The following PRDM16 variants were observed in gnomAD, a reference collection of about 807,000 sequenced individuals.
The protein encoded by PRDM16 is histone-lysine N-methyltransferase PRDM16.
PRDM16 carries 23 observed loss-of-function variants against 110.6 expected under a neutral mutation model. That is an observed-to-expected ratio of 0.21 (90% confidence interval 0.15 to 0.29). PRDM16 has a LOEUF of 0.29. Ranked by LOEUF, PRDM16 falls within the 10% of genes least tolerant of loss-of-function variation. PRDM16 has a pLI of 1.00. For synonymous variants in PRDM16, 799 were observed against 781.8 expected, an observed-to-expected ratio of 1.02 and a Z score of -0.37; for missense variants, 1,615 against 1,794.3, an observed-to-expected ratio of 0.90 and a Z score of 1.81.
chr1:3,325,977 CCAT>C (rs1641887021), intron 3 of PRDM16, among the ~76,000 whole-genome samples: 1 of 149,536 alleles, frequency 6.7e-6, no homozygotes, highest in African/African-American at 2.5e-5. Flanking sequence ...TCCTCCTTGG[CCAT>C]CCTCGACCAT....
At chr1:3,198,006 G>C (rs1638523410) in intron 2 of PRDM16, among the ~76,000 whole-genome samples, 1 of 152,202 alleles carries the variant, frequency 6.6e-6, no homozygotes, top group South Asian at 2.1e-4. Flanking sequence ...TGTGCTCTCA[G>C]GGTGCTACGG....
Position 3,430,512 on chromosome 1 carries a change from A to C in PRDM16, c.3285-360A>C, listed in dbSNP as rs903853109. On this transcript the variant is annotated intron_variant, in intron 14 of 16. Coordinates refer to ENST00000270722, the MANE Select transcript of PRDM16 (RefSeq NM_022114.4). ...TCTGCCCTGAGGGTGCCCCTCGTGCACTGCCCAACCCCCGTGCCAGTGCAG... is the reference window on the plus strand; with the variant it reads ...TCTGCCCTGAGGGTGCCCCTCGTGCCCTGCCCAACCCCCGTGCCAGTGCAG... Among the ~76,000 whole-genome samples, 3 of 152,286 alleles carry C rather than the reference A, an allele frequency of 2.0e-5. No homozygotes were observed. In the East Asian group the frequency reaches 5.8e-4, roughly 30 times the overall value.
Position 3,436,016 on chromosome 1 carries a change from G to A in PRDM16, c.*2205G>A, listed in dbSNP as rs556539919. The A allele has an allele frequency of 5.3e-4, 121 of 230,002 alleles. No homozygotes were observed. The East Asian group carries it at 7.1e-3, about 13-fold the overall frequency. The allele number at this position is 230,002 out of a possible 1,614,324, so 14.2% of individuals were successfully genotyped here. Reference sequence around the variant, plus strand: ...GGATCCAGGATCTGCAAACACAACTGCTCAGGCCTTCTCACGCGTTTCCAC... The same window carrying A: ...GGATCCAGGATCTGCAAACACAACTACTCAGGCCTTCTCACGCGTTTCCAC... On this transcript the variant is annotated 3_prime_UTR_variant, in exon 17 of 17. Transcript: ENST00000270722.
intron 2 of PRDM16, among the ~76,000 whole-genome samples, chr1:3,214,524 CTG>C (rs1462000004): frequency 6.6e-5 from 10 of 152,206 alleles, no homozygotes; most frequent in African/African-American, 2.4e-4. Flanking sequence ...TGGCAAAACC[CTG>C]TCTCTACTAA....
rs1642888663 is a variant in PRDM16, at chr1:3,370,619, T to C, written c.439-14533T>C. Among the ~76,000 whole-genome samples, 2 of 151,768 alleles carry C rather than the reference T, an allele frequency of 1.3e-5. No homozygotes were observed. The highest frequency in any genetic ancestry group is 1.3e-4 in the Admixed American group (2 of 15,256). Reference sequence around the variant, plus strand: ...CTAAGAAGGGCAGGGACTGTGAGAGTGTCTGAGAGGAGCCTCACCCTGATG... The same window carrying C: ...CTAAGAAGGGCAGGGACTGTGAGAGCGTCTGAGAGGAGCCTCACCCTGATG... On this transcript the variant is annotated intron_variant, in intron 3 of 16. Coordinates refer to ENST00000270722, the MANE Select transcript of PRDM16 (RefSeq NM_022114.4). The surrounding 1 kb of genome is among the most constrained non-coding windows in gnomAD (Gnocchi z 4.8).
intron 2 of PRDM16, among the ~76,000 whole-genome samples, chr1:3,186,755 C>T (rs546861925): frequency 9.2e-5 from 14 of 152,328 alleles, no homozygotes; most frequent in African/African-American, 3.4e-4. Flanking sequence ...CCCGTGCTTC[C>T]CGCCGGATCC....
intron 1 of PRDM16, among the ~76,000 whole-genome samples, chr1:3,088,564 C>T (rs1199842754): frequency 6.6e-6 from 1 of 150,666 alleles, no homozygotes; most frequent in Non-Finnish European, 1.5e-5. Context: ...CTCCTGGGTT[C>T]AAGCCATTCT....
chr1:3,334,775 G>A (rs1642110810), intron 3 of PRDM16, among the ~76,000 whole-genome samples: 1 of 152,186 alleles, frequency 6.6e-6, no homozygotes, highest in Non-Finnish European at 1.5e-5. Context: ...GTGCTCGCCG[G>A]GAACAGAGCA....
chr1:3,106,763 G>A (rs116340119), intron 1 of PRDM16, among the ~76,000 whole-genome samples: 1,778 of 152,308 alleles, frequency 0.012, 36 homozygotes, highest in African/African-American at 0.041. Context: ...GGGTCCACTG[G>A]TATCAGCGAG....
At chr1:3,145,588 A>G (rs1643632862) in intron 1 of PRDM16, among the ~76,000 whole-genome samples, 1 of 152,136 alleles carries the variant, frequency 6.6e-6, no homozygotes, top group South Asian at 2.1e-4. Flanking sequence ...GTGGTGCAGC[A>G]GTGAAATTCC....
intron 1 of PRDM16, among the ~76,000 whole-genome samples, chr1:3,091,446 A>G (rs1440791950): frequency 6.6e-6 from 1 of 152,218 alleles, no homozygotes; most frequent in Non-Finnish European, 1.5e-5. Context: ...GCTTTTCAGC[A>G]GGACTCAGAT....
At chr1:3,264,013 G>T (rs944162147) in intron 3 of PRDM16, among the ~76,000 whole-genome samples, 1 of 152,276 alleles carries the variant, frequency 6.6e-6, no homozygotes, top group African/African-American at 2.4e-5. Context: ...CAAAGCTACT[G>T]TGCAGCTGAG....
At chr1:3,268,966 G>A (rs1312384716) in intron 3 of PRDM16, among the ~76,000 whole-genome samples, 1 of 152,236 alleles carries the variant, frequency 6.6e-6, no homozygotes, top group Non-Finnish European at 1.5e-5. Context: ...CCTTCCAAAG[G>A]TTCCCACCCC....
At chr1:3,093,386 T>C (rs1383430863) in intron 1 of PRDM16, among the ~76,000 whole-genome samples, 1 of 152,226 alleles carries the variant, frequency 6.6e-6, no homozygotes, top group Non-Finnish European at 1.5e-5. Flanking sequence ...ATGGTCAGAC[T>C]GGGGTGCAGC....
At chr1:3,261,988 G>T (rs956365373) in intron 3 of PRDM16, among the ~76,000 whole-genome samples, 4 of 152,232 alleles carry the variant, frequency 2.6e-5, no homozygotes, top group Non-Finnish European at 5.9e-5. Context: ...TGCTGCCCTT[G>T]GAGCTGAATG....
chr1:3,240,048 GAGAGGAGA>G (rs1557550873), intron 2 of PRDM16, among the ~76,000 whole-genome samples: 11 of 96,300 alleles, frequency 1.1e-4, no homozygotes, highest in South Asian at 4.6e-4. Flanking sequence ...AAGAGGAGAG[GAGAGGAGA>G]AGAGGAGAGG....
At chr1:3,155,602 C>G (rs544102236) in intron 1 of PRDM16, among the ~76,000 whole-genome samples, 120 of 152,412 alleles carry the variant, frequency 7.9e-4, no homozygotes, top group African/African-American at 2.8e-3. Context: ...GGAGGGAGGG[C>G]CGCAGGCTCC....
chr1:3,320,389 A>G (rs1641713260), intron 3 of PRDM16, among the ~76,000 whole-genome samples: 2 of 152,074 alleles, frequency 1.3e-5, no homozygotes, highest in Admixed American at 1.3e-4. Context: ...TGTGAGTGAG[A>G]ATGTGGGGCT....
chr1:3,383,712 G>A (rs1368543243), intron 3 of PRDM16, among the ~76,000 whole-genome samples: 2 of 152,160 alleles, frequency 1.3e-5, no homozygotes, highest in Non-Finnish European at 2.9e-5. Context: ...AGCATCTGAG[G>A]TGCCCAGAGT....
Sources: gnomAD v4.1 joint callset for allele counts (sites outside exome capture counted in the v4.1 genomes callset) on GRCh38, gnomAD v4.1.1 for gene constraint, Gnocchi (gnomAD v3.1) non-coding constraint, MANE v1.5 for transcripts, NCBI Gene and HGNC (gene_info 2026-07-23, HGNC 2026-07-21) for gene names.